Variants in PLCB4 observed in about 807,000 individuals in gnomAD.
PLCB4 encodes the protein phospholipase C beta 4.
A neutral mutation model predicts 178.8 loss-of-function variants in PLCB4; 77 were observed. That is an observed-to-expected ratio of 0.43 (90% CI 0.36 to 0.52). PLCB4 has a LOEUF of 0.52. Among genes scored for constraint, PLCB4 ranks in the 20% least tolerant of loss-of-function variants. PLCB4 has a pLI of 0.00. For missense variants in PLCB4, 1,024 were observed against 1,453.4 expected, an observed-to-expected ratio of 0.70 and a Z score of 4.80; for synonymous variants, 496 against 490.8, an observed-to-expected ratio of 1.01 and a Z score of -0.14.
intron 13 of PLCB4, among the ~76,000 whole-genome samples, chr20:9,383,379 A>G (rs1404202253): frequency 3.3e-5 from 5 of 152,200 alleles, no homozygotes; most frequent in African/African-American, 7.2e-5. Flanking sequence ...GCCCGTGGCT[A>G]TTCATTATGC....
chr20:9,135,022 A>G (rs1352252584), intron 2 of PLCB4, among the ~76,000 whole-genome samples: 1 of 152,136 alleles, frequency 6.6e-6, no homozygotes, highest in Non-Finnish European at 1.5e-5. Flanking sequence ...TTTCAAGGCA[A>G]GAATTATAAT....
At chr20:9,405,273 C>T (rs1478340070) in intron 20 of PLCB4, 40 bp from the exon 21 acceptor site, 1 of 1,282,496 alleles carries the variant, frequency 7.8e-7, no homozygotes. Context: ...GAATTTTGCC[C>T]TTTAGAGAAG....
At chr20:9,183,778 A>G (rs1463489893) in intron 2 of PLCB4, among the ~76,000 whole-genome samples, 2 of 152,176 alleles carry the variant, frequency 1.3e-5, no homozygotes, top group African/African-American at 2.4e-5. Flanking sequence ...TACATCAGAT[A>G]TCTTGATACC....
intron 35 of PLCB4, among the ~76,000 whole-genome samples, chr20:9,460,530 A>T (rs2043325208): frequency 6.6e-6 from 1 of 152,350 alleles, no homozygotes; most frequent in South Asian, 2.1e-4. Context: ...TGCCCACTTC[A>T]GCAAAGTGAA....
chr20:9,254,364 A>G (rs759142182), intron 3 of PLCB4, among the ~76,000 whole-genome samples: 21 of 152,302 alleles, frequency 1.4e-4, no homozygotes, highest in Admixed American at 2.6e-4. Context: ...AGAAAATGCA[A>G]TTTTTGAAAT....
chr20:9,212,782 T>C (rs1243250074), intron 2 of PLCB4, among the ~76,000 whole-genome samples: 1 of 152,202 alleles, frequency 6.6e-6, no homozygotes, highest in African/African-American at 2.4e-5. Flanking sequence ...GTGAGTGTTT[T>C]CTCATTTTTG....
intron 2 of PLCB4, among the ~76,000 whole-genome samples, chr20:9,155,947 GGA>G (rs770236238): frequency 2.0e-5 from 3 of 152,164 alleles, no homozygotes; most frequent in Non-Finnish European, 4.4e-5. Flanking sequence ...TTACGAGTGA[GGA>G]GAGAGTGTTT....
chr20:9,090,089 T>G (rs2090607747), intron 1 of PLCB4, among the ~76,000 whole-genome samples: 1 of 152,168 alleles, frequency 6.6e-6, no homozygotes, highest in Non-Finnish European at 1.5e-5. Flanking sequence ...TGAAAGTATC[T>G]TCTTCCCATT....
intron 7 of PLCB4, among the ~76,000 whole-genome samples, chr20:9,345,712 T>C (rs1258574183): frequency 6.6e-6 from 1 of 152,256 alleles, no homozygotes; most frequent in African/African-American, 2.4e-5. Context: ...TTTGGCAAAC[T>C]TCATAAATTA....
chr20:9,116,897 C>T (rs1000192494), intron 2 of PLCB4, among the ~76,000 whole-genome samples: 1 of 152,110 alleles, frequency 6.6e-6, no homozygotes, highest in African/African-American at 2.4e-5. Flanking sequence ...CTATAACATC[C>T]TGCATGTTTT....
intron 2 of PLCB4, among the ~76,000 whole-genome samples, chr20:9,118,284 T>C (rs1475993712): frequency 2.5e-5 from 2 of 78,896 alleles, no homozygotes; most frequent in Non-Finnish European, 4.5e-5. Flanking sequence ...ATGTGTACCC[T>C]AAAACTTAAA....
intron 7 of PLCB4, among the ~76,000 whole-genome samples, chr20:9,356,836 C>T: frequency 6.6e-6 from 1 of 152,156 alleles, no homozygotes; most frequent in East Asian, 1.9e-4. Flanking sequence ...CAAAAATGGG[C>T]CAGGTGCAGT....
At chr20:9,071,459 C>T (rs2089569721) in intron 1 of PLCB4, among the ~76,000 whole-genome samples, 1 of 152,114 alleles carries the variant, frequency 6.6e-6, no homozygotes. Context: ...TAAAAGTGAG[C>T]TTCAGGGCTG....
At chr20:9,328,979 G>T (rs1331679497) in intron 4 of PLCB4, among the ~76,000 whole-genome samples, 1 of 152,224 alleles carries the variant, frequency 6.6e-6, no homozygotes, top group South Asian at 2.1e-4. Flanking sequence ...TTACACAGGG[G>T]ATGAAAGATC....
Position 9,314,222 on chromosome 20 carries a change from G to T in PLCB4, c.84+6324G>T, listed in dbSNP as rs75676679. 4.6e-5 allele frequency among the ~76,000 whole-genome samples: 7 copies of T among 152,312 alleles called. No individual in the cohort carries two copies. The East Asian group carries it at 1.4e-3, about 29-fold the overall frequency. On this transcript the variant is annotated intron_variant, in intron 4 of 39. Coordinates refer to ENST00000378473, the MANE Select transcript of PLCB4 (RefSeq NM_001377142.1). ...TTTCCAGCCCAGGGCATTGGCATTT[G>T]ATTCAGAAAGCTCTAGGGAACCTTT...
Position 9,346,256 on chromosome 20 carries a change from C to T in PLCB4, c.369+7219C>T, listed in dbSNP as rs571770163. Among the ~76,000 whole-genome samples the T allele has an allele frequency of 1.0e-3, 154 of 152,308 alleles. 1 individual carries two copies. Among genetic ancestry groups the T allele is most frequent in the African/African-American group, 3.5e-3 (146 of 41,572 alleles). On this transcript the variant is annotated intron_variant, in intron 7 of 39. Coordinates refer to ENST00000378473, the MANE Select transcript of PLCB4 (RefSeq NM_001377142.1). ...CTGAATCAGAAAGCTAGGATTTCAGCGGCCTTCCAAGTGATTCTTATGCAC... is the reference window on the plus strand; with the variant it reads ...CTGAATCAGAAAGCTAGGATTTCAGTGGCCTTCCAAGTGATTCTTATGCAC...
intron 35 of PLCB4, 111 bp downstream of exon 35, chr20:9,459,921 T>C (rs2043287603): frequency 4.4e-6 from 3 of 678,090 alleles, no homozygotes; most frequent in East Asian, 2.7e-5. Context: ...ACGTACAACA[T>C]GTAGCTCTTT....
intron 14 of PLCB4, 111 bp downstream of exon 14, chr20:9,384,522 A>T (rs2037411061): frequency 1.4e-6 from 1 of 733,818 alleles, no homozygotes; most frequent in Non-Finnish European, 2.4e-6. Flanking sequence ...AAATTTGTTT[A>T]TTCCCTTTAA....
At chr20:9,113,438 G>T (rs1387435276) in intron 2 of PLCB4, among the ~76,000 whole-genome samples, 1 of 152,130 alleles carries the variant, frequency 6.6e-6, no homozygotes, top group African/African-American at 2.4e-5. Context: ...GTTGCTTGTT[G>T]TCTTCCATGG....
Sources: gnomAD v4.1 joint callset for allele counts (sites outside exome capture counted in the v4.1 genomes callset) on GRCh38, gnomAD v4.1.1 for gene constraint, MANE v1.5 for transcripts, NCBI Gene and HGNC (gene_info 2026-07-23, HGNC 2026-07-21) for gene names.